The following SIL1 variants were observed in gnomAD, a reference collection of about 807,000 sequenced individuals.
The protein encoded by SIL1 is SIL1 nucleotide exchange factor.
Under a neutral mutation model 49.1 loss-of-function variants are expected in SIL1, and 40 were observed. The observed-to-expected ratio is 0.81, with a 90% CI of 0.63 to 1.06. SIL1 has a LOEUF of 1.06. SIL1 is among the 50% of genes least tolerant of loss of function. SIL1 has a pLI of 0.00. For missense variants in SIL1, 500 were observed against 572.6 expected (o/e 0.87, Z 1.29); for synonymous variants, 253 against 250.8 (o/e 1.01, Z -0.08).
At chr5:138,955,499 G>A (rs1449826149) in intron 7 of SIL1, among the ~76,000 whole-genome samples, 1 of 152,184 alleles carries the variant, frequency 6.6e-6, no homozygotes, top group Non-Finnish European at 1.5e-5. Flanking sequence ...CAGCAATTTG[G>A]GCAATCAGCC....
chr5:139,082,171 G>A (rs773554203), intron 3 of SIL1, among the ~76,000 whole-genome samples: 10 of 152,114 alleles, frequency 6.6e-5, no homozygotes, highest in Non-Finnish European at 1.3e-4. Context: ...AGTACAATTC[G>A]ACAAATGTTT....
At chr5:139,029,101 C>T (rs1768727779) in intron 5 of SIL1, among the ~76,000 whole-genome samples, 1 of 152,218 alleles carries the variant, frequency 6.6e-6, no homozygotes, top group African/African-American at 2.4e-5. Flanking sequence ...TATAGTGAGA[C>T]TCTCTGTATT....
chr5:138,951,954 C>T, intron 7 of SIL1, 70 bp from the exon 8 acceptor site: 4 of 1,314,408 alleles, frequency 3.0e-6, no homozygotes, highest in Non-Finnish European at 4.4e-6. Flanking sequence ...GGGAACTGAG[C>T]CCATGTCAGC....
intron 5 of SIL1, among the ~76,000 whole-genome samples, chr5:139,032,174 TCA>T (rs1408887885): frequency 6.6e-6 from 1 of 152,238 alleles, no homozygotes; most frequent in East Asian, 1.9e-4. Flanking sequence ...GGCAAAGTAT[TCA>T]GTCTTTCACT....
At chr5:139,192,074 CAAAAAA>C (rs10700186) in intron 1 of SIL1, among the ~76,000 whole-genome samples, 11 of 67,218 alleles carry the variant, frequency 1.6e-4, no homozygotes, top group Non-Finnish European at 8.1e-5. Flanking sequence ...GATGCTGTCT[CAAAAAA>C]AAAAAAAAAA....
chr5:139,064,555 C>A (rs1449902703), intron 3 of SIL1, among the ~76,000 whole-genome samples: 1 of 152,226 alleles, frequency 6.6e-6, no homozygotes, highest in Non-Finnish European at 1.5e-5. Context: ...CCTGAGCCTC[C>A]TTTCACCTGT....
rs149311676 is a variant in SIL1, at chr5:138,990,164, C to G, written c.767+31007G>C. Among the ~76,000 whole-genome samples, 4 of 152,258 alleles carry G rather than the reference C, an allele frequency of 2.6e-5. No homozygotes were observed. The East Asian group carries it at 7.7e-4, about 29-fold the overall frequency. On this transcript the variant is annotated intron_variant, in intron 7 of 9. Transcript: ENST00000394817. ...TCTCTTTGAATCTTTGTATCCAACC[C>G]AATGTGAGCGTACACTTACCCAAGA...
At chr5:139,013,923 G>T (rs1376997917) in intron 7 of SIL1, 2 of 151,910 alleles carry the variant, frequency 1.3e-5, no homozygotes, top group Admixed American at 6.6e-5. Flanking sequence ...ACCAATTTTT[G>T]GTGACTTCAA....
intron 1 of SIL1, among the ~76,000 whole-genome samples, chr5:139,164,256 G>T (rs545913499): frequency 7.9e-5 from 12 of 152,050 alleles, no homozygotes; most frequent in Non-Finnish European, 1.6e-4. Context: ...AAGTCTCTCT[G>T]ACTCAAAAGA....
chr5:139,180,381 C>CAAAAAAAAAAAAAAAAAAAA (rs35534058), intron 1 of SIL1, among the ~76,000 whole-genome samples: 1 of 57,052 alleles, frequency 1.8e-5, no homozygotes, highest in Non-Finnish European at 3.1e-5. Flanking sequence ...AACTCCATCT[C>CAAAAAAAAAAAAAAAAAAAA]AAAAAAAAAA....
rs1242707006 is a variant in SIL1 at position 139,064,439 on chromosome 5, G to A, written c.245-13393C>T. The stretch of plus-strand genomic sequence containing the variant: ...CAGATGGAGCAACAGGTACAGTGCA[G>A]AGACGGCAGTCATATAAACAACTGG... On this transcript the variant is annotated intron_variant, in intron 3 of 9. Coordinates refer to ENST00000394817, the MANE Select transcript of SIL1 (RefSeq NM_022464.5). 2.0e-5 allele frequency among the ~76,000 whole-genome samples: 3 copies of A among 152,330 alleles called. No individual in the cohort carries two copies. The East Asian group carries it at 5.8e-4, about 29-fold the overall frequency.
rs537644655 is a variant in SIL1 at position 139,112,337 on chromosome 5, G to A, written c.244+8698C>T. On this transcript the variant is annotated intron_variant, in intron 3 of 9. Transcript: ENST00000394817. ...TGGGATGTGAGGAGCCCCTCTGCCC[G>A]GCTGCCCAGTCTGGGAAGTGAGGAG... 5.6e-3 allele frequency among the ~76,000 whole-genome samples: 843 copies of A among 150,962 alleles called. 3 individuals carry two copies. The highest frequency in any genetic ancestry group is 0.02 in the African/African-American group (799 of 40,968).
chr5:138,947,558 T>C lies in SIL1; in HGVS notation c.1030-85A>G, dbSNP rs1766664126. 14 of 1,241,996 alleles carry C rather than the reference T, an allele frequency of 1.1e-5. No individual in the cohort carries two copies. The highest frequency in any genetic ancestry group is 1.5e-5 in the Non-Finnish European group (13 of 843,668). The allele number at this position is 1,241,996 out of a possible 1,614,324, so 76.9% of individuals were successfully genotyped here. A position where few individuals can be genotyped will look rare whatever the true frequency, so the allele number is the denominator to read the frequency against. ...AGCAGTTAGCTCACACCTGGCTAGC[T>C]CTGCCCTTCAGACAGGAAGGCACGA... On this transcript the variant is annotated intron_variant, in intron 9 of 9. Coordinates refer to ENST00000394817, the MANE Select transcript of SIL1 (RefSeq NM_022464.5). This position sits in a 1 kb window ranked among gnomAD's most constrained non-coding sequence, Gnocchi z 4.1.
At chr5:139,184,258 A>G (rs1406153660) in intron 1 of SIL1, among the ~76,000 whole-genome samples, 4 of 152,160 alleles carry the variant, frequency 2.6e-5, no homozygotes, top group Non-Finnish European at 4.4e-5. Context: ...AACTAAGAAC[A>G]AGGTACATTA....
intron 8 of SIL1, 34 bp downstream of exon 8, chr5:138,951,754 G>A: frequency 5.0e-6 from 8 of 1,592,684 alleles, no homozygotes; most frequent in Non-Finnish European, 6.0e-6. Context: ...ACGTGTCCTG[G>A]AGGCTGGGCA....
chr5:139,150,178 G>C (rs1041697429), intron 1 of SIL1, among the ~76,000 whole-genome samples: 7 of 152,176 alleles, frequency 4.6e-5, no homozygotes, highest in Non-Finnish European at 7.3e-5. Context: ...AACCCCAGCG[G>C]ATAACTTCAA....
chr5:138,984,618 C>T (rs1182103795), intron 7 of SIL1, among the ~76,000 whole-genome samples: 2 of 152,248 alleles, frequency 1.3e-5, no homozygotes, highest in East Asian at 3.9e-4. Context: ...CTTAGCCTCC[C>T]AAAGTGCTAG....
intron 1 of SIL1, among the ~76,000 whole-genome samples, chr5:139,172,052 T>A (rs1751782674): frequency 6.6e-6 from 1 of 152,066 alleles, no homozygotes; most frequent in Non-Finnish European, 1.5e-5. Context: ...ATGGAAATTA[T>A]CAAGTCTGAG....
chr5:139,150,601 T>C lies in SIL1; in HGVS notation c.-10-22748A>G, dbSNP rs79653745. ...TGAGGAAGCCAAAGGCACATGGCTT[T>C]GACGAATCTCTCATTTGCTCAACTC... On this transcript the variant is annotated intron_variant, in intron 1 of 9. Transcript: ENST00000394817. Among the ~76,000 whole-genome samples the C allele has an allele frequency of 4.8e-3, 737 of 152,212 alleles. 1 individual carries two copies. The highest frequency in any genetic ancestry group is 0.017 in the African/African-American group (703 of 41,498).
Sources: gnomAD v4.1 joint callset for allele counts (sites outside exome capture counted in the v4.1 genomes callset) on GRCh38, gnomAD v4.1.1 for gene constraint, Gnocchi (gnomAD v3.1) non-coding constraint, MANE v1.5 for transcripts, NCBI Gene and HGNC (gene_info 2026-07-23, HGNC 2026-07-21) for gene names.